Variants in RALGPS2 observed in about 807,000 individuals in gnomAD.
RALGPS2 encodes ras-specific guanine nucleotide-releasing factor RalGPS2.
In RALGPS2, 43 loss-of-function variants were observed where a neutral mutation model predicts 86.8. That is an observed-to-expected ratio of 0.50 (90% CI 0.39 to 0.64). RALGPS2 has a LOEUF of 0.64. Among genes scored for constraint, RALGPS2 ranks in the 30% least tolerant of loss-of-function variants. The probability of loss-of-function intolerance (pLI) is 0.00; values close to 1 mark genes in which losing one functional copy is unlikely to be tolerated. For missense variants in RALGPS2, 536 were observed against 694.6 expected (o/e 0.77, Z 2.57); for synonymous variants, 243 against 231.3 (o/e 1.05, Z -0.46).
intron 8 of RALGPS2, among the ~76,000 whole-genome samples, chr1:178,848,984 T>C (rs1418978747): frequency 6.6e-6 from 1 of 152,204 alleles, no homozygotes; most frequent in East Asian, 1.9e-4. Flanking sequence ...CAAGGTGCTA[T>C]GATTTGTATT....
At position 178,793,231 on chromosome 1, in the gene RALGPS2, G is replaced by C. The variant is rs1654043131; in HGVS notation, c.213+7624G>C. 2.0e-5 allele frequency among the ~76,000 whole-genome samples: 3 copies of C among 151,772 alleles called. No homozygotes were observed. In the South Asian group the frequency reaches 6.3e-4, roughly 32 times the overall value. ...CTAATACAATCTGTTTCTTGTCTTT[G>C]GCCTTGAAATTTTTTTTAAATCTAA... On this transcript the variant is annotated intron_variant, in intron 4 of 19. Coordinates refer to ENST00000367635, the MANE Select transcript of RALGPS2 (RefSeq NM_152663.5).
At chr1:178,802,363 G>C (rs1168212059) in intron 4 of RALGPS2, among the ~76,000 whole-genome samples, 1 of 152,136 alleles carries the variant, frequency 6.6e-6, no homozygotes, top group Non-Finnish European at 1.5e-5. Flanking sequence ...AATGCAACTT[G>C]TTCTTGAAAT....
intron 6 of RALGPS2, among the ~76,000 whole-genome samples, chr1:178,819,501 C>T (rs955569328): frequency 1.3e-5 from 2 of 152,082 alleles, no homozygotes; most frequent in African/African-American, 4.8e-5. Flanking sequence ...CTTATTGGAA[C>T]CCCCACCATA....
intron 17 of RALGPS2, among the ~76,000 whole-genome samples, chr1:178,901,185 A>G (rs1194454333): frequency 6.6e-6 from 1 of 152,034 alleles, no homozygotes; most frequent in East Asian, 1.9e-4. Flanking sequence ...GTGTACATGT[A>G]CATTTTAAAG....
At chr1:178,751,266 A>G (rs1450751493) in intron 1 of RALGPS2, among the ~76,000 whole-genome samples, 1 of 152,068 alleles carries the variant, frequency 6.6e-6, no homozygotes, top group Non-Finnish European at 1.5e-5. Context: ...CCCTTACCAT[A>G]AATTTCCCTT....
At chr1:178,839,920 G>C (rs1208694271) in intron 8 of RALGPS2, among the ~76,000 whole-genome samples, 4 of 152,190 alleles carry the variant, frequency 2.6e-5, no homozygotes, top group African/African-American at 7.2e-5. Flanking sequence ...TTACATAATG[G>C]TAAAGGGATC....
chr1:178,865,185 C>G (rs1413224975), intron 8 of RALGPS2: 1 of 1,613,046 alleles, frequency 6.2e-7, no homozygotes, highest in Admixed American at 1.7e-5. Context: ...AAGCACTGTT[C>G]TTCCAACAAA....
At position 178,920,312 on chromosome 1, in the gene RALGPS2, T is replaced by A. The variant is rs891709300; in HGVS notation, c.*3953T>A. 2.0e-5 allele frequency: 3 copies of A among 151,984 alleles called. No homozygotes were observed. The highest frequency in any genetic ancestry group is 7.2e-5 in the African/African-American group (3 of 41,430). 9.4% of individuals were successfully genotyped at this position (151,984 alleles called of 1,614,324 possible). A position where few individuals can be genotyped will look rare whatever the true frequency, so the allele number is the denominator to read the frequency against. ...ATCCAGGCATAAAAACTCTTTTGCT[T>A]ATTGAAAGCAATTTGATTACACCTA... is the stretch of plus-strand genomic sequence containing the variant. On this transcript the variant is annotated 3_prime_UTR_variant, in exon 20 of 20. Transcript: ENST00000367635.
intron 8 of RALGPS2, among the ~76,000 whole-genome samples, chr1:178,876,950 A>G (rs1478289835): frequency 1.3e-5 from 2 of 152,184 alleles, no homozygotes; most frequent in African/African-American, 2.4e-5. Context: ...ATAATTTTCA[A>G]AGTAGTTAAG....
chr1:178,872,575 C>G (rs966368398), intron 8 of RALGPS2, among the ~76,000 whole-genome samples: 1 of 152,174 alleles, frequency 6.6e-6, no homozygotes, highest in Non-Finnish European at 1.5e-5. Context: ...GTAATACTTC[C>G]TGATTTTAAA....
chr1:178,847,203 T>C lies in RALGPS2; in HGVS notation c.607+13653T>C, dbSNP rs186085471. Among the ~76,000 whole-genome samples the C allele has an allele frequency of 6.1e-3, 926 of 152,252 alleles. 10 individuals are homozygous for C. The highest frequency in any genetic ancestry group is 0.021 in the African/African-American group (885 of 41,534). On this transcript the variant is annotated intron_variant, in intron 8 of 19. Coordinates refer to ENST00000367635, the MANE Select transcript of RALGPS2 (RefSeq NM_152663.5). ...GCTCATGCCTGTAATCCCAGCACTT[T>C]GGGAGGCCAAAGCAGGCGGATCACC...
chr1:178,840,097 CAG>C (rs1355084619), intron 8 of RALGPS2, among the ~76,000 whole-genome samples: 18 of 152,152 alleles, frequency 1.2e-4, no homozygotes, highest in Admixed American at 1.2e-3. Context: ...ATCAACAAGA[CAG>C]AAGGTTAACA....
chr1:178,742,067 C>A (rs1572274593), intron 1 of RALGPS2, among the ~76,000 whole-genome samples: 1 of 145,660 alleles, frequency 6.9e-6, no homozygotes, highest in East Asian at 2.0e-4. Context: ...ACCTGGGAGG[C>A]AGAGGTGGCA....
Position 178,906,805 on chromosome 1 carries a change from A to G in RALGPS2, c.1660A>G (p.Arg554Gly). The part of the protein sequence containing the change: ...GNSYKFQAGN[R>G]MNAMLWFKHL... ...TTCGTACAAGTTTCAAGCTGGCAAT[A>G]GAATGAATGCAATGTTATGGTTTAA... is the stretch of plus-strand genomic sequence containing the variant. The change falls in exon 19 of 20, where the codon AGA becomes GGA. Residue 554 changes from arginine to glycine, a missense_variant. Arg to Gly is a moderately radical substitution (Grantham distance 125, BLOSUM62 -2). This residue lies in a region of RALGPS2 where 309 missense variants were observed against 363.0 expected (regional missense o/e 0.85). Coordinates refer to ENST00000367635, the MANE Select transcript of RALGPS2 (RefSeq NM_152663.5). 6.2e-7 allele frequency: 1 copy of G among 1,608,744 alleles called. No individual in the cohort carries two copies. The highest frequency in any genetic ancestry group is 8.5e-7 in the Non-Finnish European group (1 of 1,178,640).
intron 1 of RALGPS2, among the ~76,000 whole-genome samples, chr1:178,772,321 A>G (rs543569573): frequency 1.3e-5 from 2 of 152,312 alleles, no homozygotes; most frequent in Admixed American, 6.5e-5. Flanking sequence ...TCTGGCCAAA[A>G]TACCTCATAC....
At chr1:178,830,558 G>A (rs1030556935) in intron 7 of RALGPS2, among the ~76,000 whole-genome samples, 2 of 152,136 alleles carry the variant, frequency 1.3e-5, no homozygotes, top group Admixed American at 6.5e-5. Context: ...GGCCCCTTGC[G>A]CCATTCACAA....
chr1:178,798,502 A>G (rs1280025971), intron 4 of RALGPS2, among the ~76,000 whole-genome samples: 1 of 152,234 alleles, frequency 6.6e-6, no homozygotes, highest in Non-Finnish European at 1.5e-5. Flanking sequence ...AAGTGCTTCT[A>G]AGAAGCAGAG....
chr1:178,755,977 A>G lies in RALGPS2; in HGVS notation c.-83-20705A>G, dbSNP rs147400564. Among the ~76,000 whole-genome samples the G allele has an allele frequency of 2.0e-5, 3 of 152,256 alleles. No homozygotes were observed. In the East Asian group the frequency reaches 5.8e-4, roughly 29 times the overall value. ...TTTTATATGTTTCTTGGCCACTTGT[A>G]TGTCTTCTTTTGGGAAGTGTCTGTT... On this transcript the variant is annotated intron_variant, in intron 1 of 19. Transcript: ENST00000367635.
At chr1:178,897,904 T>C in intron 17 of RALGPS2, 148 bp downstream of exon 17, 1 of 596,392 alleles carries the variant, frequency 1.7e-6, no homozygotes, top group South Asian at 2.4e-5. Context: ...TTTATTTCTT[T>C]TTTAAATACC....
Sources: gnomAD v4.1 joint callset for allele counts (sites outside exome capture counted in the v4.1 genomes callset) on GRCh38, gnomAD v4.1.1 for gene constraint, gnomAD v4.1.1 regional missense constraint, MANE v1.5 for transcripts, NCBI Gene and HGNC (gene_info 2026-07-23, HGNC 2026-07-21) for gene names.